Variants in UQCC1 observed in about 807,000 individuals in gnomAD.
UQCC1 encodes the protein bFGF-repressed Zic-binding protein.
Under a neutral mutation model 48.0 loss-of-function variants are expected in UQCC1, and 38 were observed. The ratio of observed to expected loss-of-function variants is 0.79; its 90% CI spans 0.61 to 1.04. The LOEUF is 1.04. Among genes scored for constraint, UQCC1 ranks in the 50% least tolerant of loss-of-function variants. UQCC1 has a pLI of 0.00. For synonymous variants in UQCC1, 111 were observed against 129.2 expected (o/e 0.86, Z 0.95); for missense variants, 368 against 381.8 (o/e 0.96, Z 0.30).
At chr20:35,327,506 C>G (rs894576674) in intron 7 of UQCC1, among the ~76,000 whole-genome samples, 1 of 152,236 alleles carries the variant, frequency 6.6e-6, no homozygotes, top group African/African-American at 2.4e-5. Flanking sequence ...ACAAGGTCTT[C>G]TGGCTCCTAG....
chr20:35,321,308 G>T (rs1215415401), intron 7 of UQCC1, among the ~76,000 whole-genome samples: 2 of 151,742 alleles, frequency 1.3e-5, no homozygotes, highest in Non-Finnish European at 2.9e-5. Flanking sequence ...GCACGCTCAG[G>T]CACGCATGCA....
intron 1 of UQCC1, among the ~76,000 whole-genome samples, chr20:35,394,422 T>C (rs1601013227): frequency 2.0e-5 from 3 of 152,102 alleles, no homozygotes; most frequent in South Asian, 4.1e-4. Context: ...GCTAATGAGG[T>C]GATTCATGCA....
rs1167491828 is a variant in UQCC1 at position 35,382,790 on chromosome 20, G to A, written c.226-765C>T. On this transcript the variant is annotated intron_variant, in intron 3 of 9. Coordinates refer to ENST00000374385, the MANE Select transcript of UQCC1 (RefSeq NM_018244.5). ...CTCCCAAAGTGCTGGGATTACAGGC[G>A]TGAGCCACCGCGCCCGGCCTAATTT... Among the ~76,000 whole-genome samples the A allele has an allele frequency of 3.3e-5, 5 of 152,056 alleles. No homozygotes were observed. The South Asian group carries it at 6.2e-4, about 19-fold the overall frequency.
chr20:35,351,216 C>A lies in UQCC1; in HGVS notation c.465-3944G>T, dbSNP rs1473179416. ...GACCAGCCTGGCCAATGTGGTGAAA[C>A]CCTGTTTCTACTAAAAATACAAAAA... is the stretch of plus-strand genomic sequence containing the variant. On this transcript the variant is annotated intron_variant, in intron 6 of 9. Transcript: ENST00000374385. 2.6e-5 allele frequency among the ~76,000 whole-genome samples: 4 copies of A among 152,048 alleles called. No individual in the cohort carries two copies. In the East Asian group the frequency reaches 7.7e-4, roughly 29 times the overall value.
At chr20:35,398,931 T>C (rs2062121413) in intron 1 of UQCC1, among the ~76,000 whole-genome samples, 1 of 152,212 alleles carries the variant, frequency 6.6e-6, no homozygotes, top group Non-Finnish European at 1.5e-5. Flanking sequence ...CAGTTCTTAT[T>C]AGAAGAAAGG....
chr20:35,327,209 T>C (rs1458835312), intron 7 of UQCC1, among the ~76,000 whole-genome samples: 3 of 152,186 alleles, frequency 2.0e-5, no homozygotes, highest in Non-Finnish European at 1.5e-5. Flanking sequence ...TCACAGGAGT[T>C]AACTGCTAAC....
intron 8 of UQCC1, among the ~76,000 whole-genome samples, chr20:35,311,564 A>C (rs1362474371): frequency 6.6e-6 from 1 of 152,188 alleles, no homozygotes; most frequent in Non-Finnish European, 1.5e-5. Context: ...GGTCTGCAAA[A>C]TGGCTGCACC....
intron 6 of UQCC1, among the ~76,000 whole-genome samples, chr20:35,349,984 C>A (rs1322200926): frequency 7.0e-6 from 1 of 143,022 alleles, no homozygotes; most frequent in African/African-American, 2.5e-5. Flanking sequence ...TGGAGTGAGA[C>A]CCTGTCTCAA....
intron 4 of UQCC1, among the ~76,000 whole-genome samples, chr20:35,378,837 T>C (rs1471754699): frequency 6.6e-6 from 1 of 152,236 alleles, no homozygotes; most frequent in Admixed American, 6.5e-5. Flanking sequence ...ATCTGCTTCA[T>C]ATAACATTCA....
intron 7 of UQCC1, among the ~76,000 whole-genome samples, chr20:35,322,827 G>A (rs985506966): frequency 6.6e-6 from 1 of 152,110 alleles, no homozygotes; most frequent in Non-Finnish European, 1.5e-5. Context: ...TTTTAACTCA[G>A]ATGGTCAGTC....
chr20:35,400,597 G>A lies in UQCC1; in HGVS notation c.25-6401C>T, dbSNP rs559364303. ...TGCAAGCTCCGCCTCCCAGGTTCAC[G>A]CCATTCTCCTGCCTCAGCCTCCCAA... On this transcript the variant is annotated intron_variant, in intron 1 of 9. Coordinates refer to ENST00000374385, the MANE Select transcript of UQCC1 (RefSeq NM_018244.5). Among the ~76,000 whole-genome samples, 14 of 151,420 alleles carry A rather than the reference G, an allele frequency of 9.2e-5. No homozygotes were observed. In the East Asian group the frequency reaches 2.1e-3, roughly 23 times the overall value.
chr20:35,384,227 C>A, intron 2 of UQCC1, 94 bp from the exon 3 acceptor site: 1 of 1,134,274 alleles, frequency 8.8e-7, no homozygotes, highest in Non-Finnish European at 1.3e-6. Context: ...AGGATCTTTC[C>A]AACCTTACTT....
At chr20:35,390,498 T>C (rs1352317654) in intron 2 of UQCC1, among the ~76,000 whole-genome samples, 2 of 151,594 alleles carry the variant, frequency 1.3e-5, no homozygotes, top group Admixed American at 1.3e-4. Flanking sequence ...AGCATAGAGT[T>C]TTGCAAGATG....
At chr20:35,304,485 C>T (rs1167032167) in intron 9 of UQCC1, 2 of 192,856 alleles carry the variant, frequency 1.0e-5, no homozygotes, top group African/African-American at 4.6e-5. Flanking sequence ...TCTGTCCCTT[C>T]CCAGTGCTGC....
At chr20:35,405,802 C>T (rs1253723497) in intron 1 of UQCC1, among the ~76,000 whole-genome samples, 2 of 152,182 alleles carry the variant, frequency 1.3e-5, no homozygotes, top group African/African-American at 4.8e-5. Context: ...GCGGGAGAAT[C>T]GCTTGAACCC....
intron 1 of UQCC1, among the ~76,000 whole-genome samples, chr20:35,404,513 C>T (rs1434243092): frequency 6.6e-6 from 1 of 151,904 alleles, no homozygotes; most frequent in Non-Finnish European, 1.5e-5. Context: ...GCACTCCAGC[C>T]TGGGTGACAA....
At chr20:35,397,244 G>T (rs556471569) in intron 1 of UQCC1, among the ~76,000 whole-genome samples, 2 of 150,736 alleles carry the variant, frequency 1.3e-5, no homozygotes, top group Non-Finnish European at 2.9e-5. Context: ...GGCCGGGCGC[G>T]GTAGCTCACA....
At chr20:35,355,573 T>C (rs1245182105) in intron 6 of UQCC1, among the ~76,000 whole-genome samples, 1 of 152,210 alleles carries the variant, frequency 6.6e-6, no homozygotes, top group Non-Finnish European at 1.5e-5. Context: ...CTGCCTGGAA[T>C]GTCCAGACAA....
At chr20:35,410,461 G>A (rs1601051916) in intron 1 of UQCC1, among the ~76,000 whole-genome samples, 1 of 150,090 alleles carries the variant, frequency 6.7e-6, no homozygotes, top group African/African-American at 2.5e-5. Flanking sequence ...GAACCCAGGA[G>A]GCAGAGGTTG....
Sources: allele counts gnomAD v4.1 joint callset (sites outside exome capture counted in the v4.1 genomes callset), GRCh38; gene constraint gnomAD v4.1.1; transcripts MANE v1.5; gene names NCBI Gene and HGNC (gene_info 2026-07-23, HGNC 2026-07-21).